Variants in JAZF1 observed in about 807,000 individuals in gnomAD.
JAZF1 encodes juxtaposed with another zinc finger protein 1.
Under a neutral mutation model 26.4 loss-of-function variants are expected in JAZF1, and 8 were observed. The ratio of observed to expected loss-of-function variants is 0.30; its 90% CI spans 0.18 to 0.55. The LOEUF (loss-of-function observed/expected upper bound fraction) is 0.55, where lower values mean the gene tolerates loss of function less well. Among genes scored for constraint, JAZF1 ranks in the 20% least tolerant of loss-of-function variants. The probability of loss-of-function intolerance (pLI) is 0.94; values close to 1 mark genes in which losing one functional copy is unlikely to be tolerated. For missense variants in JAZF1, 199 were observed against 322.0 expected (o/e 0.62, Z 2.92); for synonymous variants, 126 against 122.3 (o/e 1.03, Z -0.20).
intron 2 of JAZF1, among the ~76,000 whole-genome samples, chr7:27,969,282 C>G (rs1304538718): frequency 1.3e-5 from 2 of 152,122 alleles, no homozygotes; most frequent in Non-Finnish European, 2.9e-5. Flanking sequence ...CATTTCTGGT[C>G]TTGGCATGCT....
intron 1 of JAZF1, among the ~76,000 whole-genome samples, chr7:28,000,174 C>G (rs1333081909): frequency 6.6e-6 from 1 of 152,136 alleles, no homozygotes; most frequent in Non-Finnish European, 1.5e-5. Context: ...TATAGAGACA[C>G]TTTTTAGAGA....
At chr7:27,944,267 G>A (rs552936856) in intron 2 of JAZF1, among the ~76,000 whole-genome samples, 3 of 152,320 alleles carry the variant, frequency 2.0e-5, no homozygotes, top group Non-Finnish European at 2.9e-5. Context: ...ATTTCAAATT[G>A]TTCTATGCAT....
chr7:27,909,389 A>C (rs1784320249), intron 2 of JAZF1, among the ~76,000 whole-genome samples: 1 of 106,604 alleles, frequency 9.4e-6, no homozygotes, highest in Admixed American at 1.1e-4. Flanking sequence ...TAAACTTTTT[A>C]TTAGGCATAA....
intron 1 of JAZF1, among the ~76,000 whole-genome samples, chr7:28,026,478 G>A (rs1783096062): frequency 1.3e-5 from 2 of 152,168 alleles, no homozygotes; most frequent in Admixed American, 6.5e-5. Context: ...TTTTGAACCT[G>A]TTCCAGCTGC....
chr7:28,016,085 T>C (rs1440057785), intron 1 of JAZF1, among the ~76,000 whole-genome samples: 1 of 152,178 alleles, frequency 6.6e-6, no homozygotes, highest in Admixed American at 6.5e-5. Flanking sequence ...AGGAGTGAAC[T>C]GCATGCTGAA....
chr7:28,050,163 T>C (rs1783587777), intron 1 of JAZF1, among the ~76,000 whole-genome samples: 1 of 152,066 alleles, frequency 6.6e-6, no homozygotes, highest in African/African-American at 2.4e-5. Context: ...AAAGACCAAA[T>C]ATTAGAATTA....
chr7:27,995,736 G>C (rs570093260), intron 1 of JAZF1, among the ~76,000 whole-genome samples: 1 of 152,226 alleles, frequency 6.6e-6, no homozygotes, highest in East Asian at 1.9e-4. Flanking sequence ...ATAAGGACTT[G>C]GCTATGTAAC....
intron 2 of JAZF1, among the ~76,000 whole-genome samples, chr7:27,970,509 A>G (rs1028638496): frequency 6.6e-6 from 1 of 152,226 alleles, no homozygotes; most frequent in Admixed American, 6.5e-5. Flanking sequence ...CCTGTAACCG[A>G]AATGTAGCAT....
rs113768810 is a variant in JAZF1, at chr7:27,935,906, C to T, written c.189-40490G>A. Among the ~76,000 whole-genome samples, 778 of 152,274 alleles carry T rather than the reference C, an allele frequency of 5.1e-3. 1 individual carries two copies. The highest frequency in any genetic ancestry group is 8.2e-3 in the Non-Finnish European group (558 of 68,022). On this transcript the variant is annotated intron_variant, in intron 2 of 4. Transcript: ENST00000283928. The stretch of plus-strand genomic sequence containing the variant: ...GCAGAAGTGGGACCAGGAGCTGGGT[C>T]GCCCAAAGTTCCATGCAGGGCCAGG...
intron 2 of JAZF1, among the ~76,000 whole-genome samples, chr7:27,946,774 T>C (rs1784930102): frequency 6.6e-6 from 1 of 152,198 alleles, no homozygotes; most frequent in Non-Finnish European, 1.5e-5. Flanking sequence ...CACAGATTTA[T>C]ACACAGAGAT....
At chr7:27,849,702 G>A (rs1783103293) in intron 3 of JAZF1, among the ~76,000 whole-genome samples, 1 of 140,386 alleles carries the variant, frequency 7.1e-6, no homozygotes, top group Admixed American at 7.0e-5. Context: ...GGCAAAGGAG[G>A]TAAAAATCAC....
intron 1 of JAZF1, among the ~76,000 whole-genome samples, chr7:28,090,709 T>G (rs1191322986): frequency 6.6e-6 from 1 of 152,098 alleles, no homozygotes; most frequent in Non-Finnish European, 1.5e-5. Flanking sequence ...GGAACCTGAA[T>G]CAAAGCCAGC....
intron 2 of JAZF1, among the ~76,000 whole-genome samples, chr7:27,963,492 G>A (rs2128357743): frequency 6.6e-6 from 1 of 151,614 alleles, no homozygotes; most frequent in South Asian, 2.1e-4. Flanking sequence ...CTTGCACATT[G>A]TTGTGATGTG....
At chr7:28,068,262 A>G (rs1261049899) in intron 1 of JAZF1, among the ~76,000 whole-genome samples, 1 of 148,810 alleles carries the variant, frequency 6.7e-6, no homozygotes, top group East Asian at 2.0e-4. Context: ...TAGTACTTTC[A>G]AGTGTGCCAA....
chr7:27,871,280 G>A (rs1348036564), intron 3 of JAZF1, among the ~76,000 whole-genome samples: 2 of 152,196 alleles, frequency 1.3e-5, no homozygotes, highest in South Asian at 2.1e-4. Flanking sequence ...CAAGGTCAGT[G>A]CTGTGTGCCA....
At chr7:28,097,783 T>C (rs1562586403) in intron 1 of JAZF1, among the ~76,000 whole-genome samples, 1 of 152,066 alleles carries the variant, frequency 6.6e-6, no homozygotes, top group Non-Finnish European at 1.5e-5. Flanking sequence ...TGGGAGGTCA[T>C]TTTGCATGTA....
chr7:28,159,490 G>A lies in JAZF1; in HGVS notation c.115+20973C>T, dbSNP rs555839901. On this transcript the variant is annotated intron_variant, in intron 1 of 4. Coordinates refer to ENST00000283928, the MANE Select transcript of JAZF1 (RefSeq NM_175061.4). ...GAGGAAGGCGGGAGGTGGGACCTTC[G>A]AGGGGGCGTGGGCAGGAGGTGTTGA... 1.8e-3 allele frequency among the ~76,000 whole-genome samples: 276 copies of A among 152,084 alleles called. 1 individual carries two copies. Among genetic ancestry groups the A allele is most frequent in the African/African-American group, 6.4e-3 (264 of 41,470 alleles).
At chr7:27,969,319 G>T (rs754820390) in intron 2 of JAZF1, among the ~76,000 whole-genome samples, 1 of 152,052 alleles carries the variant, frequency 6.6e-6, no homozygotes, top group Admixed American at 6.6e-5. Flanking sequence ...GAGAGAGGAC[G>T]TTGGCAAGGA....
At chr7:28,030,506 T>C (rs567057328) in intron 1 of JAZF1, among the ~76,000 whole-genome samples, 1 of 152,226 alleles carries the variant, frequency 6.6e-6, no homozygotes, top group Admixed American at 6.5e-5. Context: ...TGACTTGTTA[T>C]GGATAACTCT....
Sources: gnomAD v4.1 joint callset for allele counts (sites outside exome capture counted in the v4.1 genomes callset) on GRCh38, gnomAD v4.1.1 for gene constraint, MANE v1.5 for transcripts, NCBI Gene and HGNC (gene_info 2026-07-23, HGNC 2026-07-21) for gene names.